The following LPAR1 variants were observed in gnomAD, a reference collection of about 807,000 sequenced individuals.
LPAR1 encodes lysophosphatidic acid receptor 1, also known as LPA receptor 1.
LPAR1 carries 5 observed loss-of-function variants against 23.8 expected under a neutral mutation model. The observed-to-expected ratio is 0.21, with a 90% CI of 0.11 to 0.44. The LOEUF (loss-of-function observed/expected upper bound fraction) is 0.44. Among genes scored for constraint, LPAR1 ranks in the 20% least tolerant of loss-of-function variants. The pLI, the probability that LPAR1 is intolerant of heterozygous loss-of-function variation, is 0.99. For synonymous variants in LPAR1, 160 were observed against 164.7 expected, an observed-to-expected ratio of 0.97 and a Z score of 0.22; for missense variants, 311 against 482.8, an observed-to-expected ratio of 0.64 and a Z score of 3.33.
intron 4 of LPAR1, among the ~76,000 whole-genome samples, chr9:110,966,934 C>T (rs1358987489): frequency 2.6e-5 from 4 of 152,186 alleles, no homozygotes; most frequent in African/African-American, 9.6e-5. Flanking sequence ...CAGGGTAATG[C>T]TTAACACAGT....
chr9:110,900,836 A>T (rs2088618549), intron 5 of LPAR1, among the ~76,000 whole-genome samples: 1 of 152,212 alleles, frequency 6.6e-6, no homozygotes, highest in African/African-American at 2.4e-5. Flanking sequence ...GTATTTGGCT[A>T]CTTGAACCCT....
chr9:111,021,724 G>A (rs890903257), intron 2 of LPAR1, among the ~76,000 whole-genome samples: 2 of 152,100 alleles, frequency 1.3e-5, no homozygotes, highest in African/African-American at 4.8e-5. Context: ...ACTTTGGGAG[G>A]CCCAGGTGGG....
At chr9:110,953,699 C>T (rs1290101233) in intron 4 of LPAR1, among the ~76,000 whole-genome samples, 1 of 151,562 alleles carries the variant, frequency 6.6e-6, no homozygotes, top group African/African-American at 2.4e-5. Flanking sequence ...ACTACTGATG[C>T]ATTTACAGCC....
chr9:110,943,941 C>T (rs577579195), intron 4 of LPAR1, among the ~76,000 whole-genome samples: 1 of 151,986 alleles, frequency 6.6e-6, no homozygotes, highest in Non-Finnish European at 1.5e-5. Context: ...TATGAGTGCA[C>T]GTTAGATAAA....
chr9:111,000,818 G>A (rs1367163508), intron 2 of LPAR1, among the ~76,000 whole-genome samples: 3 of 152,160 alleles, frequency 2.0e-5, no homozygotes, highest in African/African-American at 7.2e-5. Context: ...AGGAAGCTTT[G>A]CCACTTTTCC....
At chr9:110,962,910 T>C (rs1224338394) in intron 4 of LPAR1, among the ~76,000 whole-genome samples, 2 of 152,222 alleles carry the variant, frequency 1.3e-5, no homozygotes, top group African/African-American at 4.8e-5. Context: ...CTGGACTCTA[T>C]GATTTTCTCA....
chr9:110,985,415 A>G (rs1446231985), intron 2 of LPAR1, among the ~76,000 whole-genome samples: 1 of 96,940 alleles, frequency 1.0e-5, no homozygotes, highest in Admixed American at 1.2e-4. Flanking sequence ...AATTGGTCTA[A>G]AAGTCTATCA....
chr9:110,893,672 C>A (rs1237732656), intron 5 of LPAR1, among the ~76,000 whole-genome samples: 3 of 152,112 alleles, frequency 2.0e-5, no homozygotes, highest in Non-Finnish European at 2.9e-5. Context: ...TTTTTCTAAG[C>A]CTGTCCAGGA....
At chr9:110,985,268 CAA>C (rs1457715356) in intron 2 of LPAR1, among the ~76,000 whole-genome samples, 1 of 152,098 alleles carries the variant, frequency 6.6e-6, no homozygotes. Flanking sequence ...CTCTCTTCCT[CAA>C]AGTGTCAGCC....
chr9:110,966,000 T>C (rs1482949030), intron 4 of LPAR1, among the ~76,000 whole-genome samples: 1 of 152,092 alleles, frequency 6.6e-6, no homozygotes, highest in African/African-American at 2.4e-5. Context: ...CTGAAAACCA[T>C]CATTCTCAGC....
intron 2 of LPAR1, among the ~76,000 whole-genome samples, chr9:111,031,407 G>T (rs867597373): frequency 5.6e-5 from 5 of 89,968 alleles, no homozygotes; most frequent in Non-Finnish European, 1.2e-4. Flanking sequence ...AAAAAAAAAA[G>T]AAAAAAAAAA....
At chr9:110,918,239 G>A (rs991700681) in intron 5 of LPAR1, among the ~76,000 whole-genome samples, 1 of 152,068 alleles carries the variant, frequency 6.6e-6, no homozygotes, top group African/African-American at 2.4e-5. Context: ...TTAAATAAAA[G>A]ATTAAGTATA....
Position 110,983,444 on chromosome 9 carries a change from T to C in LPAR1, c.-181-9886A>G, listed in dbSNP as rs1466326170. On this transcript the variant is annotated intron_variant, in intron 2 of 5. Coordinates refer to ENST00000683809, the MANE Select transcript of LPAR1 (RefSeq NM_001351411.2). ...TACTCCACATATATAAGGTAGCTAA[T>C]AGTCAAATTAATAGAGACAAAGTAC... 3.9e-5 allele frequency among the ~76,000 whole-genome samples: 6 copies of C among 152,042 alleles called. No individual in the cohort carries two copies. In the East Asian group the frequency reaches 9.6e-4, roughly 24 times the overall value.
chr9:110,928,150 T>C (rs1564490380), intron 5 of LPAR1, among the ~76,000 whole-genome samples: 2 of 152,178 alleles, frequency 1.3e-5, no homozygotes, highest in Non-Finnish European at 2.9e-5. Flanking sequence ...ACTGAACATG[T>C]AATATTTTAT....
In LPAR1 at chr9:110,875,718, G is replaced by A. The variant is rs756216873; in HGVS notation, c.798C>T (p.Ala266=). ...ATCCAGGAGTCCAGCAGATGATAAA[G>A]GCCCCTACAAGGACAAGGATAGGGA... The part of the protein sequence containing the change: ...LLKTVVIVLG[A]FIICWTPGLV... Residue 266 remains alanine (A), a synonymous_variant, in exon 6 of 6, where the codon GCC becomes GCT. Transcript: ENST00000683809. 2 of 1,586,920 alleles carry A rather than the reference G, an allele frequency of 1.3e-6. No individual in the cohort carries two copies. The highest frequency in any genetic ancestry group is 8.6e-7 in the Non-Finnish European group (1 of 1,163,166).
intron 5 of LPAR1, among the ~76,000 whole-genome samples, chr9:110,883,725 A>G (rs559113157): frequency 1.4e-4 from 21 of 152,320 alleles, no homozygotes; most frequent in Non-Finnish European, 2.6e-4. Flanking sequence ...AGAAACACAC[A>G]GTTTATTACA....
intron 1 of LPAR1, among the ~76,000 whole-genome samples, chr9:111,036,716 G>A (rs2097903607): frequency 6.6e-6 from 1 of 152,068 alleles, no homozygotes; most frequent in South Asian, 2.1e-4. Flanking sequence ...TTCCCTCCTC[G>A]CTCCTCGCCC....
chr9:110,882,779 T>C (rs1429014782), intron 5 of LPAR1, among the ~76,000 whole-genome samples: 3 of 152,222 alleles, frequency 2.0e-5, no homozygotes, highest in Non-Finnish European at 4.4e-5. Flanking sequence ...TTCAGAGACC[T>C]GAAGCAAATT....
intron 5 of LPAR1, among the ~76,000 whole-genome samples, chr9:110,906,931 T>TCCAA (rs879317429): frequency 0.037 from 5,687 of 152,242 alleles, 172 homozygotes; most frequent in Non-Finnish European, 0.047. Flanking sequence ...AATCCTTTAT[T>TCCAA]GATGCAAAAG....
Sources: allele counts gnomAD v4.1 joint callset (sites outside exome capture counted in the v4.1 genomes callset), GRCh38; gene constraint gnomAD v4.1.1; transcripts MANE v1.5; gene names NCBI Gene and HGNC (gene_info 2026-07-23, HGNC 2026-07-21).